The following DLGAP2 variants were observed in gnomAD, a reference collection of about 807,000 sequenced individuals.
The protein encoded by DLGAP2 is disks large-associated protein 2.
Under a neutral mutation model 100.3 loss-of-function variants are expected in DLGAP2, and 26 were observed. The observed-to-expected ratio is 0.26, with a 90% CI of 0.19 to 0.36. The LOEUF is 0.36. DLGAP2 is among the 10% of genes least tolerant of loss of function. DLGAP2 has a pLI of 1.00. For synonymous variants in DLGAP2, 886 were observed against 630.1 expected (o/e 1.41, Z -6.08); for missense variants, 1,858 against 1,453.2 (o/e 1.28, Z -4.53).
intron 3 of DLGAP2, among the ~76,000 whole-genome samples, chr8:1,306,995 G>C (rs898649875): frequency 6.6e-6 from 1 of 151,934 alleles, no homozygotes; most frequent in Non-Finnish European, 1.5e-5. Flanking sequence ...AGTGATCTTG[G>C]ATACCAAAAG....
At chr8:957,513 G>A (rs977945399) in intron 2 of DLGAP2, among the ~76,000 whole-genome samples, 1 of 152,206 alleles carries the variant, frequency 6.6e-6, no homozygotes, top group Non-Finnish European at 1.5e-5. Flanking sequence ...GGCCACTGCT[G>A]ATGTGTATTT....
intron 3 of DLGAP2, among the ~76,000 whole-genome samples, chr8:1,437,835 A>AT (rs1401986877): frequency 1.3e-5 from 2 of 148,570 alleles, no homozygotes; most frequent in African/African-American, 5.1e-5. Context: ...AAAAAAAAAA[A>AT]ATTAGCCGGG....
intron 2 of DLGAP2, among the ~76,000 whole-genome samples, chr8:1,166,709 C>G (rs904963646): frequency 7.2e-5 from 11 of 152,022 alleles, no homozygotes; most frequent in Admixed American, 7.2e-4. Context: ...GAACGTGTAT[C>G]TATCAAAAAA....
At chr8:1,556,894 C>G (rs984390787) in intron 5 of DLGAP2, among the ~76,000 whole-genome samples, 10 of 152,160 alleles carry the variant, frequency 6.6e-5, no homozygotes, top group Admixed American at 6.5e-4. Flanking sequence ...GATGTACATC[C>G]CGGGAGGCAG....
chr8:1,635,014 T>C (rs1797734964), intron 8 of DLGAP2, among the ~76,000 whole-genome samples: 1 of 152,166 alleles, frequency 6.6e-6, no homozygotes. Context: ...CCAAGTTATG[T>C]GACATCTGAG....
At chr8:1,332,906 G>C (rs1288041699) in intron 3 of DLGAP2, among the ~76,000 whole-genome samples, 1 of 152,146 alleles carries the variant, frequency 6.6e-6, no homozygotes, top group Non-Finnish European at 1.5e-5. Context: ...TCTGGGAGTG[G>C]GACCACTTGC....
chr8:1,169,297 C>G (rs1486740174), intron 2 of DLGAP2, among the ~76,000 whole-genome samples: 2 of 152,134 alleles, frequency 1.3e-5, no homozygotes, highest in Non-Finnish European at 2.9e-5. Context: ...TTGTAATATA[C>G]TTTGAAGTCA....
intron 8 of DLGAP2, among the ~76,000 whole-genome samples, chr8:1,650,917 G>C (rs1319201681): frequency 6.6e-6 from 1 of 151,656 alleles, no homozygotes; most frequent in African/African-American, 2.4e-5. Context: ...ACAGAAGCTT[G>C]GGTGACAGTT....
intron 6 of DLGAP2, among the ~76,000 whole-genome samples, chr8:1,616,667 A>G (rs1444133717): frequency 3.3e-5 from 5 of 152,214 alleles, no homozygotes; most frequent in Non-Finnish European, 7.4e-5. Context: ...TGAGAGCAAA[A>G]TAAAGACTTT....
At chr8:755,394 G>A (rs1237379551) in intron 1 of DLGAP2, among the ~76,000 whole-genome samples, 1 of 152,208 alleles carries the variant, frequency 6.6e-6, no homozygotes, top group African/African-American at 2.4e-5. Context: ...AGGAGGCAGA[G>A]GTTGCAGTGA....
At chr8:1,371,436 C>T (rs187421688) in intron 3 of DLGAP2, among the ~76,000 whole-genome samples, 21 of 152,300 alleles carry the variant, frequency 1.4e-4, no homozygotes, top group Admixed American at 1.4e-3. Flanking sequence ...GGGAGATGGA[C>T]AGAAAGGCAG....
At chr8:1,379,655 A>G (rs754768534) in intron 3 of DLGAP2, 2 of 152,214 alleles carry the variant, frequency 1.3e-5, no homozygotes, top group African/African-American at 4.8e-5. Flanking sequence ...GCCCTGAAAG[A>G]GTTTACTTTC....
chr8:808,470 C>T (rs1191773741), intron 1 of DLGAP2, among the ~76,000 whole-genome samples: 1 of 152,162 alleles, frequency 6.6e-6, no homozygotes, highest in East Asian at 1.9e-4. Context: ...GGACATTCCA[C>T]CCCAAAAGGG....
chr8:1,087,461 C>T (rs1174135401), intron 2 of DLGAP2, among the ~76,000 whole-genome samples: 1 of 152,032 alleles, frequency 6.6e-6, no homozygotes, highest in Admixed American at 6.5e-5. Flanking sequence ...TTGTGTGTGA[C>T]TCTTGCAGTA....
chr8:1,172,049 T>C (rs1407469379), intron 2 of DLGAP2, among the ~76,000 whole-genome samples: 2 of 152,154 alleles, frequency 1.3e-5, no homozygotes, highest in Non-Finnish European at 2.9e-5. Flanking sequence ...GTTTAGTGCT[T>C]CCTTCAGGAG....
At chr8:1,310,327 T>C (rs1800585739) in intron 3 of DLGAP2, among the ~76,000 whole-genome samples, 2 of 152,206 alleles carry the variant, frequency 1.3e-5, no homozygotes, top group South Asian at 4.1e-4. Flanking sequence ...ACAATGATTT[T>C]AAATATATAT....
At chr8:1,093,655 A>C (rs1436720922) in intron 2 of DLGAP2, among the ~76,000 whole-genome samples, 1 of 152,158 alleles carries the variant, frequency 6.6e-6, no homozygotes, top group African/African-American at 2.4e-5. Context: ...ACTAATAGCC[A>C]GACAGAAACA....
At chr8:761,250 T>C (rs1032060516) in intron 1 of DLGAP2, among the ~76,000 whole-genome samples, 2 of 152,190 alleles carry the variant, frequency 1.3e-5, no homozygotes, top group Non-Finnish European at 2.9e-5. Flanking sequence ...TAGAACCTGC[T>C]GGTCTTCCAC....
intron 8 of DLGAP2, among the ~76,000 whole-genome samples, chr8:1,660,457 A>T (rs1334125922): frequency 1.3e-5 from 2 of 152,236 alleles, no homozygotes; most frequent in African/African-American, 4.8e-5. Context: ...CAAAAGCTAT[A>T]TTTAAAATAT....
Sources: gnomAD v4.1 joint callset for allele counts (sites outside exome capture counted in the v4.1 genomes callset) on GRCh38, gnomAD v4.1.1 for gene constraint, MANE v1.5 for transcripts, NCBI Gene and HGNC (gene_info 2026-07-23, HGNC 2026-07-21) for gene names.